Variants in ZNF407 observed in about 807,000 individuals in gnomAD.
ZNF407 encodes the protein zinc finger protein 407.
Under a neutral mutation model 131.2 loss-of-function variants are expected in ZNF407, and 17 were observed. The ratio of observed to expected loss-of-function variants is 0.13; its 90% CI spans 0.09 to 0.19. The LOEUF (loss-of-function observed/expected upper bound fraction) is 0.19, where lower values mean the gene tolerates loss of function less well. Ranked by LOEUF, ZNF407 falls within the 10% of genes least tolerant of loss-of-function variation. ZNF407 has a pLI of 1.00. For synonymous variants in ZNF407, 1,156 were observed against 1,062.0 expected (o/e 1.09, Z -1.72); for missense variants, 2,681 against 2,830.6 (o/e 0.95, Z 1.20).
intron 3 of ZNF407, among the ~76,000 whole-genome samples, chr18:74,645,972 A>T (rs1984956989): frequency 6.6e-6 from 1 of 152,224 alleles, no homozygotes; most frequent in African/African-American, 2.4e-5. Flanking sequence ...CTAATGGTAC[A>T]AGTCATTTAT....
At chr18:74,993,083 A>G (rs954651765) in intron 8 of ZNF407, among the ~76,000 whole-genome samples, 1 of 152,198 alleles carries the variant, frequency 6.6e-6, no homozygotes, top group Non-Finnish European at 1.5e-5. Context: ...CATTTCCTGT[A>G]AAACTAAACA....
chr18:75,057,814 T>C (rs1192509608), intron 8 of ZNF407, among the ~76,000 whole-genome samples: 1 of 152,226 alleles, frequency 6.6e-6, no homozygotes, highest in Non-Finnish European at 1.5e-5. Flanking sequence ...GGGAAACTTC[T>C]CTCTGTAGGC....
chr18:74,828,065 G>T (rs535907894), intron 4 of ZNF407, among the ~76,000 whole-genome samples: 1 of 152,106 alleles, frequency 6.6e-6, no homozygotes, highest in East Asian at 1.9e-4. Context: ...CGCTGCTTCC[G>T]CACTGCCTTT....
Position 74,770,885 on chromosome 18 carries a change from T to C in ZNF407, c.4803-10543T>C, listed in dbSNP as rs183661066. Reference sequence around the variant, plus strand: ...GCCTATTCTCAGGAGAGGTGTGAAATTTAAGAAAAGTTTATTTCTTATGAA... The same window carrying C: ...GCCTATTCTCAGGAGAGGTGTGAAACTTAAGAAAAGTTTATTTCTTATGAA... On this transcript the variant is annotated intron_variant, in intron 3 of 8. Transcript: ENST00000299687. Among the ~76,000 whole-genome samples, 13 of 152,312 alleles carry C rather than the reference T, an allele frequency of 8.5e-5. No homozygotes were observed. In the East Asian group the frequency reaches 1.9e-3, roughly 23 times the overall value.
intron 3 of ZNF407, among the ~76,000 whole-genome samples, chr18:74,721,452 T>A (rs1289817266): frequency 6.6e-6 from 1 of 152,164 alleles, no homozygotes; most frequent in Non-Finnish European, 1.5e-5. Context: ...AGTCACATTG[T>A]CCCTGTTTGC....
intron 8 of ZNF407, among the ~76,000 whole-genome samples, chr18:75,022,931 A>G (rs541075479): frequency 6.6e-6 from 1 of 152,200 alleles, no homozygotes; most frequent in African/African-American, 2.4e-5. Context: ...GAGTTGACCC[A>G]GATGCTCATC....
intron 4 of ZNF407, among the ~76,000 whole-genome samples, chr18:74,835,778 G>A (rs1262892691): frequency 6.6e-6 from 1 of 152,068 alleles, no homozygotes; most frequent in African/African-American, 2.4e-5. Flanking sequence ...GCTAAGAACA[G>A]TGCTAGCCCC....
chr18:74,657,811 G>T (rs560858401), intron 3 of ZNF407, among the ~76,000 whole-genome samples: 3 of 152,202 alleles, frequency 2.0e-5, no homozygotes, highest in Admixed American at 6.5e-5. Context: ...GTGACCACGA[G>T]GGGGAGTCAG....
intron 4 of ZNF407, among the ~76,000 whole-genome samples, chr18:74,864,167 C>G (rs1444679835): frequency 6.6e-6 from 1 of 152,150 alleles, no homozygotes; most frequent in Non-Finnish European, 1.5e-5. Context: ...TCAAAGATTA[C>G]TCTTTGATTA....
intron 4 of ZNF407, among the ~76,000 whole-genome samples, chr18:74,830,266 C>A (rs1970464145): frequency 6.6e-6 from 1 of 152,104 alleles, no homozygotes; most frequent in South Asian, 2.1e-4. Flanking sequence ...CACATTTTAA[C>A]CTTTTTTAAG....
intron 7 of ZNF407, among the ~76,000 whole-genome samples, chr18:74,899,211 A>G (rs1971491334): frequency 6.6e-6 from 1 of 152,236 alleles, no homozygotes; most frequent in East Asian, 1.9e-4. Flanking sequence ...TCACTGGTGC[A>G]GTACAAATAA....
intron 3 of ZNF407, among the ~76,000 whole-genome samples, chr18:74,721,003 CAG>C (rs1968021698): frequency 6.9e-6 from 1 of 145,552 alleles, no homozygotes. Flanking sequence ...TTAACATTTT[CAG>C]AGTTTTTTTT....
At chr18:74,910,783 T>G (rs558706025) in intron 7 of ZNF407, among the ~76,000 whole-genome samples, 5 of 152,342 alleles carry the variant, frequency 3.3e-5, no homozygotes, top group African/African-American at 9.6e-5. Flanking sequence ...TTTGTCTTTC[T>G]TGTCTTTGGC....
intron 3 of ZNF407, among the ~76,000 whole-genome samples, chr18:74,764,160 AT>A (rs949910876): frequency 8.6e-5 from 13 of 151,384 alleles, no homozygotes; most frequent in African/African-American, 2.9e-4. Context: ...TACACTTGGA[AT>A]TTTTTTGCCC....
chr18:74,908,287 T>G (rs2145218851), intron 7 of ZNF407, among the ~76,000 whole-genome samples: 1 of 152,344 alleles, frequency 6.6e-6, no homozygotes, highest in East Asian at 1.9e-4. Context: ...CTAACTAAGA[T>G]TATAAAAATA....
chr18:74,938,762 C>T (rs1599254407), intron 8 of ZNF407, among the ~76,000 whole-genome samples: 1 of 152,142 alleles, frequency 6.6e-6, no homozygotes, highest in Non-Finnish European at 1.5e-5. Context: ...AGGGAGAAAA[C>T]GTTCCCACTG....
chr18:74,960,120 A>C (rs1972321845), intron 8 of ZNF407, among the ~76,000 whole-genome samples: 1 of 152,256 alleles, frequency 6.6e-6, no homozygotes, highest in African/African-American at 2.4e-5. Flanking sequence ...GTGTTCATTT[A>C]GGTAAAAGTG....
rs923171680 is a variant in ZNF407, at chr18:74,865,650, T to G, written c.4878-11547T>G. 3.3e-5 allele frequency among the ~76,000 whole-genome samples: 5 copies of G among 152,354 alleles called. 1 individual carries two copies. In the South Asian group the frequency reaches 1.0e-3, roughly 32 times the overall value. Reference sequence around the variant, plus strand: ...GGTATTGAAAAATTAGTATAAATGATCTATATCCAGTATTTATTGATGTCT... The same window carrying G: ...GGTATTGAAAAATTAGTATAAATGAGCTATATCCAGTATTTATTGATGTCT... On this transcript the variant is annotated intron_variant, in intron 4 of 8. Coordinates refer to ENST00000299687, the MANE Select transcript of ZNF407 (RefSeq NM_017757.3).
chr18:74,751,375 T>G (rs1230492761), intron 3 of ZNF407, among the ~76,000 whole-genome samples: 2 of 152,130 alleles, frequency 1.3e-5, no homozygotes, highest in Admixed American at 1.3e-4. Flanking sequence ...TTTTTAAAAT[T>G]TATTTATTTT....
Sources: allele counts gnomAD v4.1 joint callset (sites outside exome capture counted in the v4.1 genomes callset), GRCh38; gene constraint gnomAD v4.1.1; transcripts MANE v1.5; gene names NCBI Gene and HGNC (gene_info 2026-07-23, HGNC 2026-07-21).